CIC: variants seen among roughly 807,000 people sequenced by gnomAD.
CIC encodes capicua transcriptional repressor.
A neutral mutation model predicts 115.7 loss-of-function variants in CIC; 18 were observed. That is an observed-to-expected ratio of 0.16 (90% CI 0.11 to 0.23). The LOEUF (loss-of-function observed/expected upper bound fraction) is 0.23, where lower values mean the gene tolerates loss of function less well. Ranked by LOEUF, CIC falls within the 10% of genes least tolerant of loss-of-function variation. The probability of loss-of-function intolerance (pLI) is 1.00; values close to 1 mark genes in which losing one functional copy is unlikely to be tolerated. For synonymous variants in CIC, 1,076 were observed against 923.0 expected, an observed-to-expected ratio of 1.17 and a Z score of -3.01; for missense variants, 2,000 against 2,159.3, an observed-to-expected ratio of 0.93 and a Z score of 1.46.
chr19:42,292,538 C>T (rs1228294594), intron 14 of CIC, 28 bp from the exon 15 acceptor site: 1 of 1,612,252 alleles, frequency 6.2e-7, no homozygotes, highest in African/African-American at 1.3e-5. Context: ...CTAACTTGGT[C>T]TCCTGCTTCT....
At chr19:42,278,780 A>G (rs2037092274) in intron 2 of CIC, among the ~76,000 whole-genome samples, 1 of 152,214 alleles carries the variant, frequency 6.6e-6, no homozygotes, top group Non-Finnish European at 1.5e-5. Flanking sequence ...GAGGTTGTCC[A>G]GGCCAGGGAG....
intron 9 of CIC, 149 bp downstream of exon 9, chr19:42,289,555 G>A: frequency 1.0e-6 from 1 of 962,222 alleles, no homozygotes; most frequent in Non-Finnish European, 1.6e-6. Context: ...GCCCTGCCGA[G>A]TAAATCCAGC....
At chr19:42,286,668 A>C in intron 2 of CIC, 103 bp from the exon 3 acceptor site, 10 of 1,359,286 alleles carry the variant, frequency 7.4e-6, no homozygotes, top group African/African-American at 1.8e-5. Flanking sequence ...GGTGGGGGGT[A>C]GACAAAAGGG....
At position 42,290,493 on chromosome 19, in the gene CIC, C is replaced by T. The variant is rs776146634; in HGVS notation, c.4452C>T (p.Pro1484=). The change falls in exon 11 of 21, where the codon CCC becomes CCT. Residue 1484 remains proline (P), a synonymous_variant. Coordinates refer to ENST00000681038, the MANE Select transcript of CIC (RefSeq NM_001386298.1). ...GSTAGPLRPP[P]PGAGGPATPS... Reference sequence around the variant, plus strand: ...CAGCGGGCCCCCTACGGCCCCCACCCCCTGGGGCTGGGGGTCCAGCGACAC... The same window carrying T: ...CAGCGGGCCCCCTACGGCCCCCACCTCCTGGGGCTGGGGGTCCAGCGACAC... The T allele has an allele frequency of 3.7e-6, 6 of 1,613,602 alleles. No individual in the cohort carries two copies. Among genetic ancestry groups the T allele is most frequent in the Non-Finnish European group, 5.1e-6 (6 of 1,179,926 alleles).
rs1049694628 is a variant in CIC, at chr19:42,270,751, G to A, written c.-10-1023G>A. Reference sequence around the variant, plus strand: ...GCGGGTATCACGCTGGGTGCTGTGGGGGGAGGAGCAGGCTCCCATCCAGTG... The same window carrying A: ...GCGGGTATCACGCTGGGTGCTGTGGAGGGAGGAGCAGGCTCCCATCCAGTG... On this transcript the variant is annotated intron_variant, in intron 1 of 20. Transcript: ENST00000681038. This position sits in a 1 kb window ranked among gnomAD's most constrained non-coding sequence, Gnocchi z 4.1. 3.3e-5 allele frequency among the ~76,000 whole-genome samples: 5 copies of A among 151,998 alleles called. No homozygotes were observed. Among genetic ancestry groups the A allele is most frequent in the East Asian group, 1.9e-4 (1 of 5,158 alleles).
Position 42,289,057 on chromosome 19 carries a change from A to G in CIC, c.3828A>G (p.Glu1276=), listed in dbSNP as rs2037874869. Residue 1276 remains glutamate (E), a synonymous_variant, in exon 8 of 21, where the codon GAA becomes GAG. Transcript: ENST00000681038. ...HSGVHSLDGG[E]VDSQALQELT... ...GGGTACACAGCCTGGACGGCGGAGA[A>G]GTAGACAGTCAGGCGCTACAGGAAC... The G allele has an allele frequency of 6.2e-7, 1 of 1,613,580 alleles. No individual in the cohort carries two copies. The highest frequency in any genetic ancestry group is 1.1e-5 in the South Asian group (1 of 91,092).
intron 1 of CIC, among the ~76,000 whole-genome samples, chr19:42,269,775 G>A (rs1216202283): frequency 1.3e-5 from 2 of 148,980 alleles, no homozygotes; most frequent in Non-Finnish European, 3.0e-5. Flanking sequence ...GACAGGAGGG[G>A]GCCTAGGGCA....
intron 2 of CIC, 58 bp downstream of exon 2, chr19:42,274,635 A>G: frequency 2.5e-6 from 1 of 398,574 alleles, no homozygotes; most frequent in East Asian, 3.6e-5. Flanking sequence ...GCCTCTTGCA[A>G]GCTGAACTCT....
Position 42,288,962 on chromosome 19 carries a change from T to C in CIC, c.3733T>C (p.Cys1245Arg), listed in dbSNP as rs547227741. 16 of 1,614,034 alleles carry C rather than the reference T, an allele frequency of 9.9e-6. No homozygotes were observed. The highest frequency in any genetic ancestry group is 1.4e-5 in the Non-Finnish European group (16 of 1,180,020). ...CACCAAGGCTCCGGGGAGCAGCTCC[T>C]GTGGGGCAGAACGGCTACACACAGT... ...SDTKAPGSSSCGAERLHTVGG... is the reference protein window; with the variant it reads ...SDTKAPGSSSRGAERLHTVGG... Residue 1245 changes from cysteine to arginine, a missense_variant, in exon 8 of 21, where the codon TGT (cysteine) becomes CGT (arginine). This residue lies in a region of CIC where 1,466 missense variants were observed against 1,390.4 expected (regional missense o/e 1.05). Transcript: ENST00000681038.
chr19:42,293,431 C>A, intron 16 of CIC, 150 bp downstream of exon 16: 1 of 1,372,820 alleles, frequency 7.3e-7, no homozygotes, highest in Non-Finnish European at 1.0e-6. Context: ...CCTGTGTTGT[C>A]TCCTCTCCCA....
chr19:42,288,879 A>G lies in CIC; in HGVS notation c.3659-9A>G. ...ACTGACTGTCATAGCGCCACTCTCTACTTTACAGTGTCCTCTGAGCTCCTG... is the reference window on the plus strand; with the variant it reads ...ACTGACTGTCATAGCGCCACTCTCTGCTTTACAGTGTCCTCTGAGCTCCTG... On this transcript the variant is annotated splice_polypyrimidine_tract_variant and intron_variant, in intron 7 of 20. Transcript: ENST00000681038. 1 of 1,613,328 alleles carries G rather than the reference A, an allele frequency of 6.2e-7. No individual in the cohort carries two copies. The highest frequency in any genetic ancestry group is 8.5e-7 in the Non-Finnish European group (1 of 1,179,660).
In CIC at chr19:42,270,703, G is replaced by T. The variant is rs1222024560; in HGVS notation, c.-10-1071G>T. On this transcript the variant is annotated intron_variant, in intron 1 of 20. Transcript: ENST00000681038. This position sits in a 1 kb window ranked among gnomAD's most constrained non-coding sequence, Gnocchi z 4.1. ...CCAGCCAGGGCGGGGATGCATGCAG[G>T]CAAGAAGAGGGGGGCTGGGCTTGCG... 6.6e-6 allele frequency among the ~76,000 whole-genome samples: 1 copy of T among 152,074 alleles called. No homozygotes were observed.
At position 42,293,297 on chromosome 19, in the gene CIC, C is replaced by T. The variant is rs2147325630; in HGVS notation, c.6522+16C>T. On this transcript the variant is annotated intron_variant, in intron 16 of 20. Transcript: ENST00000681038. ...TGAGACCATGGTGAGCGCCTGCAGGCCGTGGGGCTCCCACTGCCACTTGGC... is the reference window on the plus strand; with the variant it reads ...TGAGACCATGGTGAGCGCCTGCAGGTCGTGGGGCTCCCACTGCCACTTGGC... The T allele has an allele frequency of 1.3e-6, 2 of 1,552,980 alleles. No homozygotes were observed. Among genetic ancestry groups the T allele is most frequent in the Non-Finnish European group, 1.7e-6 (2 of 1,152,222 alleles).
At chr19:42,290,112 C>T in intron 10 of CIC, 121 bp from the exon 11 acceptor site, 1 of 1,495,318 alleles carries the variant, frequency 6.7e-7, no homozygotes, top group Non-Finnish European at 9.3e-7. Context: ...TTGAGGCCTT[C>T]AGCTGGCAGG....
chr19:42,281,809 G>A (rs1347616808), intron 2 of CIC, among the ~76,000 whole-genome samples: 2 of 152,236 alleles, frequency 1.3e-5, no homozygotes, highest in Non-Finnish European at 2.9e-5. Flanking sequence ...TCCTCCGTGG[G>A]CACTGTGTAT....
upstream of CIC, among the ~76,000 whole-genome samples, chr19:42,268,752 G>A (rs951720264): frequency 3.9e-5 from 6 of 152,216 alleles, no homozygotes; most frequent in African/African-American, 1.4e-4. Flanking sequence ...GCTATGGGCC[G>A]AAGACGTGAG....
chr19:42,271,386 T>C (rs985277822), intron 1 of CIC, among the ~76,000 whole-genome samples: 2 of 152,238 alleles, frequency 1.3e-5, no homozygotes, highest in Admixed American at 1.3e-4. Context: ...TAGTAGCACC[T>C]GCTTTTAGGG....
chr19:42,274,403 G>T lies in CIC; in HGVS notation c.2620G>T (p.Ala874Ser). The T allele has an allele frequency of 2.5e-6, 1 of 399,168 alleles. No individual in the cohort carries two copies. Among genetic ancestry groups the T allele is most frequent in the South Asian group, 1.3e-4 (1 of 7,882 alleles). 24.7% of individuals were successfully genotyped at this position (399,168 alleles called of 1,614,324 possible). A position where few individuals can be genotyped will look rare whatever the true frequency, so the allele number is the denominator to read the frequency against. ...CCCCGTGCCCATCACCGTGCCTCCAGCTGCACCAACTGCCGTGGCCCAGCC... is the reference window on the plus strand; with the variant it reads ...CCCCGTGCCCATCACCGTGCCTCCATCTGCACCAACTGCCGTGGCCCAGCC... ...PAPVPITVPP[A>S]APTAVAQPMP... Residue 874 changes from alanine (A) to serine (S), a missense_variant, in exon 2 of 21, where the codon GCT (alanine) becomes TCT (serine). Around this residue, in one of 8 missense-constraint regions of CIC, gnomAD observed 222 missense variants for 247.7 expected, o/e 0.90. Transcript: ENST00000681038.
chr19:42,289,522 A>G, intron 9 of CIC, 116 bp downstream of exon 9: 1 of 1,202,564 alleles, frequency 8.3e-7, no homozygotes, highest in South Asian at 1.3e-5. Flanking sequence ...CACTTGGTTT[A>G]TGGTTGCATG....
Sources: allele counts gnomAD v4.1 joint callset (sites outside exome capture counted in the v4.1 genomes callset), GRCh38; gene constraint gnomAD v4.1.1; regional missense constraint gnomAD v4.1.1; non-coding constraint Gnocchi (gnomAD v3.1); transcripts MANE v1.5; gene names NCBI Gene and HGNC (gene_info 2026-07-23, HGNC 2026-07-21).